FBXW7: variants seen among roughly 807,000 people sequenced by gnomAD.
FBXW7 encodes the protein F-box and WD repeat domain containing 7.
A neutral mutation model predicts 86.3 loss-of-function variants in FBXW7; 11 were observed. The observed-to-expected ratio is 0.13, with a 90% confidence interval of 0.08 to 0.21. FBXW7 has a LOEUF of 0.21. Among genes scored for constraint, FBXW7 ranks in the 10% least tolerant of loss-of-function variants. The pLI, the probability that FBXW7 is intolerant of heterozygous loss-of-function variation, is 1.00. For synonymous variants in FBXW7, 313 were observed against 297.9 expected (o/e 1.05, Z -0.52); for missense variants, 488 against 847.4 (o/e 0.58, Z 5.27).
intron 4 of FBXW7, among the ~76,000 whole-genome samples, chr4:152,363,663 T>C (rs1271766347): frequency 1.3e-5 from 2 of 152,230 alleles, no homozygotes; most frequent in African/African-American, 2.4e-5. Context: ...TTCAAAAAGA[T>C]GTTTTCTTAA....
At chr4:152,352,952 C>T in intron 4 of FBXW7, 1 of 1,395,706 alleles carries the variant, frequency 7.2e-7, no homozygotes, top group South Asian at 1.7e-5. Context: ...TCCAGGGAAC[C>T]CGTAAGAACA....
At chr4:152,453,578 G>T (rs1445387097) in intron 2 of FBXW7, among the ~76,000 whole-genome samples, 3 of 151,932 alleles carry the variant, frequency 2.0e-5, no homozygotes, top group Non-Finnish European at 4.4e-5. Context: ...AAAAACAAGA[G>T]AAATATTTTT....
At chr4:152,350,257 G>T in intron 4 of FBXW7, 133 bp from the exon 5 acceptor site, 2 of 449,620 alleles carry the variant, frequency 4.4e-6, no homozygotes, top group Non-Finnish European at 8.0e-6. Flanking sequence ...TAAAATAAAT[G>T]TTTCATAGTT....
chr4:152,351,603 T>C (rs935478496), intron 4 of FBXW7, among the ~76,000 whole-genome samples: 5 of 152,106 alleles, frequency 3.3e-5, no homozygotes, highest in African/African-American at 9.7e-5. Context: ...GATACACACA[T>C]ATATATATAA....
At position 152,323,019 on chromosome 4, in the gene FBXW7, T is replaced by A. The variant is rs201270631; in HGVS notation, c.1986A>T (p.Thr662=). ...KTGEFIRNLV[T]LESGGSGGVV... ...CTCCCCCACTCCCCCCACTCTCCAA[T>A]GTGACTAGGTTTCGAATAAATTCAC... Residue 662 remains threonine, a synonymous_variant, in exon 14 of 14, where the codon ACA becomes ACT. Transcript: ENST00000281708. 2 of 1,613,692 alleles carry A rather than the reference T, an allele frequency of 1.2e-6. No homozygotes were observed. Among genetic ancestry groups the A allele is most frequent in the African/African-American group, 2.7e-5 (2 of 74,874 alleles).
chr4:152,493,104 A>T (rs1430531609), intron 2 of FBXW7, among the ~76,000 whole-genome samples: 2 of 151,900 alleles, frequency 1.3e-5, no homozygotes, highest in Non-Finnish European at 2.9e-5. Context: ...AAAAAGGCTG[A>T]AGAGCAATAG....
chr4:152,480,021 A>T (rs182171015), intron 2 of FBXW7, among the ~76,000 whole-genome samples: 3 of 152,068 alleles, frequency 2.0e-5, no homozygotes, highest in Admixed American at 2.0e-4. Flanking sequence ...CTCATGGATT[A>T]TTTTTTTCAA....
At chr4:152,350,017 A>C (rs1560790265) in intron 5 of FBXW7, 25 bp downstream of exon 5, 1 of 1,273,474 alleles carries the variant, frequency 7.9e-7, no homozygotes, top group Non-Finnish European at 1.1e-6. Context: ...GAGAATCATG[A>C]GATAATCATT....
intron 2 of FBXW7, among the ~76,000 whole-genome samples, chr4:152,506,430 C>A (rs1468121530): frequency 3.3e-5 from 5 of 152,222 alleles, no homozygotes; most frequent in African/African-American, 1.2e-4. Flanking sequence ...CGCGCCCGGC[C>A]ATGTGCTATA....
At chr4:152,365,120 G>A (rs1013525273) in intron 4 of FBXW7, among the ~76,000 whole-genome samples, 2 of 152,124 alleles carry the variant, frequency 1.3e-5, no homozygotes, top group Admixed American at 1.3e-4. Flanking sequence ...TTCACAGAAG[G>A]CATCTTCTCG....
At chr4:152,326,757 CAACAA>C (rs1368864348) in intron 11 of FBXW7, among the ~76,000 whole-genome samples, 2 of 151,858 alleles carry the variant, frequency 1.3e-5, no homozygotes, top group Non-Finnish European at 2.9e-5. Flanking sequence ...AAAGTTTATA[CAACAA>C]AACAAGTCAG....
In FBXW7 at chr4:152,420,100, C is replaced by T. The variant is rs535331010; in HGVS notation, c.-119-7571G>A. 6.1e-4 allele frequency among the ~76,000 whole-genome samples: 93 copies of T among 152,344 alleles called. No individual in the cohort carries two copies. The Middle Eastern group carries it at 0.01, about 17-fold the overall frequency. The stretch of plus-strand genomic sequence containing the variant: ...GATTGGAGGCAATCCTCCCAAACCA[C>T]CGCTGCTTTATCAATTTGTCAACTA... On this transcript the variant is annotated intron_variant, in intron 2 of 13. Transcript: ENST00000281708.
At chr4:152,451,218 T>C (rs1407967529) in intron 2 of FBXW7, among the ~76,000 whole-genome samples, 1 of 152,240 alleles carries the variant, frequency 6.6e-6, no homozygotes, top group African/African-American at 2.4e-5. Context: ...CTAACAACAA[T>C]TAAGGATCTT....
intron 4 of FBXW7, among the ~76,000 whole-genome samples, chr4:152,351,934 C>T (rs1343366649): frequency 6.6e-6 from 1 of 151,940 alleles, no homozygotes. Context: ...AAGGAAAGCA[C>T]CTTCTGTATG....
At chr4:152,352,712 C>T (rs769440546) in intron 4 of FBXW7, 5 of 1,613,630 alleles carry the variant, frequency 3.1e-6, no homozygotes, top group South Asian at 1.1e-5. Flanking sequence ...AGTATCAAAC[C>T]GCTTCTCGGG....
chr4:152,395,531 T>C (rs1321633217), intron 4 of FBXW7, among the ~76,000 whole-genome samples: 5 of 152,046 alleles, frequency 3.3e-5, no homozygotes, highest in South Asian at 2.1e-4. Context: ...CTTGTGGAAG[T>C]TGGATACTCA....
intron 2 of FBXW7, among the ~76,000 whole-genome samples, chr4:152,442,052 A>G (rs965008749): frequency 2.6e-5 from 4 of 152,214 alleles, no homozygotes; most frequent in Non-Finnish European, 5.9e-5. Flanking sequence ...ATCTTATACA[A>G]AATTCAAGAC....
intron 4 of FBXW7, chr4:152,411,035 A>G (rs1365374199): frequency 2.2e-6 from 1 of 458,542 alleles, no homozygotes; most frequent in Non-Finnish European, 3.5e-6. Flanking sequence ...CCCGGGACGC[A>G]AGGTTTAGAC....
At chr4:152,531,498 C>T (rs936243136) in intron 2 of FBXW7, among the ~76,000 whole-genome samples, 2 of 150,702 alleles carry the variant, frequency 1.3e-5, no homozygotes, top group Non-Finnish European at 1.5e-5. Context: ...AAAGTCAATA[C>T]TAAATGCAAG....
Sources: allele counts gnomAD v4.1 joint callset (sites outside exome capture counted in the v4.1 genomes callset), GRCh38; gene constraint gnomAD v4.1.1; transcripts MANE v1.5; gene names NCBI Gene and HGNC (gene_info 2026-07-23, HGNC 2026-07-21).